Variants in DNER observed in about 807,000 individuals in gnomAD.
The protein encoded by DNER is delta and Notch-like epidermal growth factor-related receptor.
Under a neutral mutation model 78.2 loss-of-function variants are expected in DNER, and 33 were observed. That is an observed-to-expected ratio of 0.42 (90% CI 0.32 to 0.56). The LOEUF is 0.56. Among genes scored for constraint, DNER ranks in the 20% least tolerant of loss-of-function variants. The pLI is 0.11. For synonymous variants in DNER, 417 were observed against 384.8 expected (o/e 1.08, Z -0.98); for missense variants, 918 against 975.3 (o/e 0.94, Z 0.78).
chr2:229,641,171 A>T (rs1277627792), intron 1 of DNER, among the ~76,000 whole-genome samples: 1 of 152,220 alleles, frequency 6.6e-6, no homozygotes, highest in East Asian at 1.9e-4. Flanking sequence ...TCGGAAGTCA[A>T]CAGTTCTAGG....
At chr2:229,379,584 T>A (rs1692688985) in intron 11 of DNER, among the ~76,000 whole-genome samples, 1 of 152,172 alleles carries the variant, frequency 6.6e-6, no homozygotes, top group African/African-American at 2.4e-5. Flanking sequence ...TCATCTATAC[T>A]CTCCTATATA....
At chr2:229,471,873 G>A (rs1694930610) in intron 7 of DNER, among the ~76,000 whole-genome samples, 1 of 152,172 alleles carries the variant, frequency 6.6e-6, no homozygotes, top group African/African-American at 2.4e-5. Context: ...TCAAACCTAA[G>A]CAGTGTGACC....
chr2:229,407,644 A>C (rs1254683464), intron 9 of DNER, among the ~76,000 whole-genome samples: 1 of 152,226 alleles, frequency 6.6e-6, no homozygotes, highest in Non-Finnish European at 1.5e-5. Context: ...CTGAAAGATA[A>C]ATTAATCAAT....
chr2:229,516,607 A>C (rs1695976476), intron 5 of DNER, among the ~76,000 whole-genome samples: 1 of 152,046 alleles, frequency 6.6e-6, no homozygotes, highest in Admixed American at 6.6e-5. Context: ...CTTGAAGTCA[A>C]ATATGCCATT....
intron 5 of DNER, among the ~76,000 whole-genome samples, chr2:229,526,676 G>A (rs1163415172): frequency 2.0e-5 from 3 of 152,232 alleles, no homozygotes; most frequent in African/African-American, 7.2e-5. Flanking sequence ...TGATCGGACA[G>A]GAGGCAGAGC....
chr2:229,400,255 CA>C (rs1266102490), intron 10 of DNER, among the ~76,000 whole-genome samples: 1 of 151,922 alleles, frequency 6.6e-6, no homozygotes, highest in East Asian at 1.9e-4. Context: ...TTAATATAGA[CA>C]AAGATAACTA....
At chr2:229,404,500 G>T (rs1367588800) in intron 10 of DNER, among the ~76,000 whole-genome samples, 1 of 152,170 alleles carries the variant, frequency 6.6e-6, no homozygotes, top group African/African-American at 2.4e-5. Context: ...CCTCTCCCTT[G>T]ACATGTGGGG....
At chr2:229,663,579 G>A (rs1457708479) in intron 1 of DNER, among the ~76,000 whole-genome samples, 1 of 152,184 alleles carries the variant, frequency 6.6e-6, no homozygotes, top group African/African-American at 2.4e-5. Flanking sequence ...TCATTTTCAT[G>A]TAAAATTTTT....
At chr2:229,579,610 G>T (rs927189617) in intron 4 of DNER, among the ~76,000 whole-genome samples, 1 of 152,064 alleles carries the variant, frequency 6.6e-6, no homozygotes, top group African/African-American at 2.4e-5. Context: ...ACTCTCTCCT[G>T]AGAAGGATGC....
chr2:229,641,026 T>C (rs1698612422), intron 1 of DNER, among the ~76,000 whole-genome samples: 1 of 152,022 alleles, frequency 6.6e-6, no homozygotes, highest in Non-Finnish European at 1.5e-5. Flanking sequence ...TGGAAGGGGC[T>C]AGGTGGGAGA....
chr2:229,709,479 C>CTGTG (rs74456281), intron 1 of DNER, among the ~76,000 whole-genome samples: 2 of 150,796 alleles, frequency 1.3e-5, no homozygotes, highest in South Asian at 2.1e-4. Context: ...TTGTGTGTGT[C>CTGTG]TGTGTGTGTG....
At chr2:229,480,338 T>A (rs1695130656) in intron 6 of DNER, among the ~76,000 whole-genome samples, 1 of 152,230 alleles carries the variant, frequency 6.6e-6, no homozygotes, top group Admixed American at 6.5e-5. Context: ...TCAGTATGCA[T>A]TTCTAGCAAA....
At chr2:229,480,888 T>C (rs2154211443) in intron 6 of DNER, among the ~76,000 whole-genome samples, 1 of 152,360 alleles carries the variant, frequency 6.6e-6, no homozygotes, top group Middle Eastern at 3.4e-3. Context: ...TTATGTGTAA[T>C]GCTCTAGACC....
At chr2:229,680,878 T>G (rs1269632687) in intron 1 of DNER, among the ~76,000 whole-genome samples, 1 of 152,238 alleles carries the variant, frequency 6.6e-6, no homozygotes, top group Non-Finnish European at 1.5e-5. Flanking sequence ...GATACTTTTT[T>G]AAGTCCTACT....
intron 1 of DNER, among the ~76,000 whole-genome samples, chr2:229,612,206 A>T (rs6436878): frequency 0.06 from 9,062 of 152,246 alleles, 833 homozygotes; most frequent in African/African-American, 0.2. Context: ...CTGAGGATTA[A>T]CAGAGAGAAT....
intron 1 of DNER, among the ~76,000 whole-genome samples, chr2:229,594,816 C>T (rs1179829551): frequency 6.6e-6 from 1 of 151,906 alleles, no homozygotes; most frequent in Non-Finnish European, 1.5e-5. Context: ...AAACAAGTAG[C>T]TATTAAATGT....
intron 1 of DNER, among the ~76,000 whole-genome samples, chr2:229,652,001 G>T (rs770004717): frequency 3.3e-5 from 5 of 152,132 alleles, no homozygotes; most frequent in African/African-American, 1.2e-4. Flanking sequence ...AGGAAAAATG[G>T]CAGGCATTTG....
chr2:229,591,139 T>C lies in DNER; in HGVS notation c.585+441A>G, dbSNP rs1697599200. Among the ~76,000 whole-genome samples, 1 of 152,246 alleles carries C rather than the reference T, an allele frequency of 6.6e-6. No homozygotes were observed. Among genetic ancestry groups the C allele is most frequent in the African/African-American group, 2.4e-5 (1 of 41,464 alleles). ...TCTATAAATTGCCCAGCCTCATGTA[T>C]TTCTTCATAACCACTCAAGAATGGA... On this transcript the variant is annotated intron_variant, in intron 2 of 12. Transcript: ENST00000341772. The surrounding 1 kb of genome is among the most constrained non-coding windows in gnomAD (Gnocchi z 4.6).
chr2:229,462,212 C>T (rs915135450), intron 7 of DNER, among the ~76,000 whole-genome samples: 1 of 152,014 alleles, frequency 6.6e-6, no homozygotes, highest in African/African-American at 2.4e-5. Flanking sequence ...CAAAAGAAAA[C>T]ATTTCTGGAA....
Sources: allele counts gnomAD v4.1 joint callset (sites outside exome capture counted in the v4.1 genomes callset), GRCh38; gene constraint gnomAD v4.1.1; non-coding constraint Gnocchi (gnomAD v3.1); transcripts MANE v1.5; gene names NCBI Gene and HGNC (gene_info 2026-07-23, HGNC 2026-07-21).